RALGAPA1: variants seen among roughly 807,000 people sequenced by gnomAD.
RALGAPA1 encodes Ral GTPase activating protein catalytic subunit alpha 1, also known as ral GTPase-activating protein subunit alpha-1.
In RALGAPA1, 52 loss-of-function variants were observed where a neutral mutation model predicts 269.6. That is an observed-to-expected ratio of 0.19 (90% confidence interval 0.15 to 0.24). The LOEUF is 0.24. Among genes scored for constraint, RALGAPA1 ranks in the 10% least tolerant of loss-of-function variants. RALGAPA1 has a pLI of 1.00. For synonymous variants in RALGAPA1, 817 were observed against 1,008.3 expected (o/e 0.81, Z 3.60); for missense variants, 1,917 against 3,013.9 (o/e 0.64, Z 8.52).
rs759225574 is a variant in RALGAPA1, at chr14:35,684,940, C to T, written c.4283G>A (p.Arg1428Gln). Reference protein sequence around the residue: ...DSFSAFQYDGRKFDNFGFGTD... With the variant: ...DSFSAFQYDGQKFDNFGFGTD... ...GAAAAGATACTTGCTGTCAAATTTT[C>T]GGCCATCATATTGGAAAGCGCTGAA... Residue 1428 changes from arginine (R) to glutamine (Q), a missense_variant, in exon 20 of 42, where the codon CGA becomes CAA. This residue lies in a region of RALGAPA1 where 615 missense variants were observed against 790.0 expected (regional missense o/e 0.78). Transcript: ENST00000680220. 1.7e-5 allele frequency: 27 copies of T among 1,613,156 alleles called. No homozygotes were observed. The highest frequency in any genetic ancestry group is 1.1e-4 in the East Asian group (5 of 44,862).
intron 12 of RALGAPA1, among the ~76,000 whole-genome samples, chr14:35,738,239 C>T (rs957954359): frequency 9.2e-5 from 14 of 151,650 alleles, no homozygotes; most frequent in African/African-American, 3.4e-4. Context: ...ATAGTAACAA[C>T]AAATCTCATA....
intron 31 of RALGAPA1, among the ~76,000 whole-genome samples, chr14:35,651,461 C>T (rs2062822259): frequency 6.6e-6 from 1 of 152,054 alleles, no homozygotes; most frequent in African/African-American, 2.4e-5. Context: ...TCTATCTATA[C>T]AAAAACAAGT....
chr14:35,580,152 C>A (rs946203196), intron 37 of RALGAPA1, among the ~76,000 whole-genome samples: 2 of 152,034 alleles, frequency 1.3e-5, no homozygotes, highest in Middle Eastern at 3.2e-3. Context: ...TGCTTCTTTC[C>A]CCCTATTTTG....
At chr14:35,671,259 TGTA>T in intron 26 of RALGAPA1, 127 bp downstream of exon 26, 1 of 661,632 alleles carries the variant, frequency 1.5e-6, no homozygotes, top group Non-Finnish European at 2.4e-6. Context: ...CTTTTTTTAA[TGTA>T]GGAGAAGCAA....
chr14:35,685,828 C>T (rs149203490), intron 19 of RALGAPA1, among the ~76,000 whole-genome samples: 1 of 152,186 alleles, frequency 6.6e-6, no homozygotes, highest in African/African-American at 2.4e-5. Context: ...TGCTGGAACC[C>T]GGGAGACGGA....
At position 35,702,726 on chromosome 14, in the gene RALGAPA1, A is replaced by AAT. The variant is rs1555409671; in HGVS notation, c.2267-2426_2267-2425dup. On this transcript the variant is annotated intron_variant, in intron 16 of 41. Coordinates refer to ENST00000680220, the MANE Select transcript of RALGAPA1 (RefSeq NM_001346249.2). ...TAATCACCTTTAATTAAAAAAAAAAAATATATATATATATACATTTTTTTT... is the reference window on the plus strand; with the variant it reads ...TAATCACCTTTAATTAAAAAAAAAAAATATATATATATATATACATTTTTTTT... 8.7e-3 allele frequency among the ~76,000 whole-genome samples: 1,249 copies of AAT among 143,492 alleles called. 18 individuals are homozygous for AAT. The highest frequency in any genetic ancestry group is 0.042 in the South Asian group (196 of 4,664). 94.1% of individuals were successfully genotyped at this position (143,492 alleles called of 152,430 possible).
intron 16 of RALGAPA1, among the ~76,000 whole-genome samples, chr14:35,711,711 G>A: frequency 6.6e-6 from 1 of 152,008 alleles, no homozygotes; most frequent in Admixed American, 6.6e-5. Context: ...CCTCCCACCT[G>A]AACTCCAACC....
chr14:35,706,253 G>C lies in RALGAPA1; in HGVS notation c.2267-5951C>G, dbSNP rs2067793436. Among the ~76,000 whole-genome samples, 3 of 152,088 alleles carry C rather than the reference G, an allele frequency of 2.0e-5. No individual in the cohort carries two copies. In the South Asian group the frequency reaches 6.2e-4, roughly 31 times the overall value. The stretch of plus-strand genomic sequence containing the variant: ...AGACTTTCTCCTATGTTGTCTTCTA[G>C]GTGTTTTATACTTTTGTACATCACA... On this transcript the variant is annotated intron_variant, in intron 16 of 41. Coordinates refer to ENST00000680220, the MANE Select transcript of RALGAPA1 (RefSeq NM_001346249.2).
intron 20 of RALGAPA1, 34 bp downstream of exon 20, chr14:35,684,895 T>A (rs1282407530): frequency 1.3e-6 from 2 of 1,588,510 alleles, no homozygotes; most frequent in East Asian, 4.5e-5. Flanking sequence ...ACAATCAACA[T>A]AAAACATAGT....
chr14:35,724,892 C>A (rs1456283095), intron 14 of RALGAPA1, 132 bp downstream of exon 14: 13 of 648,022 alleles, frequency 2.0e-5, no homozygotes, highest in Non-Finnish European at 2.6e-5. Context: ...AAGAAATAAT[C>A]TCTAATTTAA....
intron 31 of RALGAPA1, among the ~76,000 whole-genome samples, chr14:35,650,156 G>A (rs926764550): frequency 6.6e-6 from 1 of 152,090 alleles, no homozygotes; most frequent in African/African-American, 2.4e-5. Context: ...TGGATCACTT[G>A]GGGCCAGGAG....
chr14:35,674,762 ACCC>A (rs1296895167), intron 22 of RALGAPA1, 53 bp from the exon 23 acceptor site: 1 of 833,474 alleles, frequency 1.2e-6, no homozygotes, highest in South Asian at 2.2e-5. Flanking sequence ...TGAACATAAA[ACCC>A]CCCAAGAAAC....
At chr14:35,747,224 T>C (rs996319278) in intron 10 of RALGAPA1, among the ~76,000 whole-genome samples, 2 of 152,202 alleles carry the variant, frequency 1.3e-5, no homozygotes, top group African/African-American at 2.4e-5. Flanking sequence ...TGACTATAAA[T>C]GCTTCAGAGG....
intron 6 of RALGAPA1, 63 bp from the exon 7 acceptor site, chr14:35,756,971 C>A: frequency 7.4e-7 from 1 of 1,357,866 alleles, no homozygotes; most frequent in Non-Finnish European, 9.7e-7. Context: ...AATAATATAA[C>A]CAAATAAACT....
chr14:35,543,558 A>G (rs2054199156), intron 41 of RALGAPA1, among the ~76,000 whole-genome samples: 1 of 152,248 alleles, frequency 6.6e-6, no homozygotes, highest in South Asian at 2.1e-4. Flanking sequence ...CTTGCTTTTA[A>G]TATTTTTAAA....
intron 37 of RALGAPA1, among the ~76,000 whole-genome samples, chr14:35,587,620 C>T (rs1478955265): frequency 6.7e-6 from 1 of 150,096 alleles, no homozygotes; most frequent in Non-Finnish European, 1.5e-5. Flanking sequence ...ATTGCAAGGA[C>T]AGAAAACCAA....
chr14:35,645,879 G>T (rs775858304), intron 31 of RALGAPA1, among the ~76,000 whole-genome samples: 23 of 152,166 alleles, frequency 1.5e-4, no homozygotes, highest in Non-Finnish European at 4.4e-5. Context: ...AGCACAAAGT[G>T]AGTCTGGAAA....
rs911973135 is a variant in RALGAPA1 at position 35,745,751 on chromosome 14, G to A, written c.1251+2834C>T. Among the ~76,000 whole-genome samples, 4 of 111,174 alleles carry A rather than the reference G, an allele frequency of 3.6e-5. No individual in the cohort carries two copies. In the Admixed American group the frequency reaches 4.6e-4, roughly 13 times the overall value. 72.9% of individuals were successfully genotyped at this position (111,174 alleles called of 152,430 possible). A position where few individuals can be genotyped will look rare whatever the true frequency, so the allele number is the denominator to read the frequency against. ...TGTACTCCAGCCTGGGTGACAGCACGAGACTCCATCTCAAAAAAAAAAAAA... is the reference window on the plus strand; with the variant it reads ...TGTACTCCAGCCTGGGTGACAGCACAAGACTCCATCTCAAAAAAAAAAAAA... On this transcript the variant is annotated intron_variant, in intron 10 of 41. Transcript: ENST00000680220.
chr14:35,686,682 TA>T lies in RALGAPA1; in HGVS notation c.3953-17del. The T allele has an allele frequency of 6.8e-7, 1 of 1,466,886 alleles. No individual in the cohort carries two copies. 90.9% of individuals were successfully genotyped at this position (1,466,886 alleles called of 1,614,324 possible). A position where few individuals can be genotyped will look rare whatever the true frequency, so the allele number is the denominator to read the frequency against. ...TCTTTATTGACTAAAAATAAATAAATAACTATATATAGTGAGGAAAAACTTA... is the reference window on the plus strand; with the variant it reads ...TCTTTATTGACTAAAAATAAATAAATACTATATATAGTGAGGAAAAACTTA... On this transcript the variant is annotated splice_polypyrimidine_tract_variant and intron_variant, in intron 18 of 41. Coordinates refer to ENST00000680220, the MANE Select transcript of RALGAPA1 (RefSeq NM_001346249.2).
Sources: gnomAD v4.1 joint callset for allele counts (sites outside exome capture counted in the v4.1 genomes callset) on GRCh38, gnomAD v4.1.1 for gene constraint, gnomAD v4.1.1 regional missense constraint, MANE v1.5 for transcripts, NCBI Gene and HGNC (gene_info 2026-07-23, HGNC 2026-07-21) for gene names.